SEMA4D: variants seen among roughly 807,000 people sequenced by gnomAD.
SEMA4D encodes the protein semaphorin-4D.
In SEMA4D, 22 loss-of-function variants were observed where a neutral mutation model predicts 74.8. The ratio of observed to expected loss-of-function variants is 0.29; its 90% CI spans 0.21 to 0.42. SEMA4D has a LOEUF of 0.42. SEMA4D is among the 10% of genes least tolerant of loss of function. The pLI is 1.00. For synonymous variants in SEMA4D, 445 were observed against 463.7 expected, an observed-to-expected ratio of 0.96 and a Z score of 0.52; for missense variants, 937 against 1,118.4, an observed-to-expected ratio of 0.84 and a Z score of 2.31.
intron 1 of SEMA4D, among the ~76,000 whole-genome samples, chr9:89,478,579 A>G (rs529852055): frequency 1.3e-5 from 2 of 152,302 alleles, no homozygotes; most frequent in East Asian, 3.9e-4. Context: ...TGCGCCTATG[A>G]AAAGGGATTG....
Position 89,485,788 on chromosome 9 carries a change from CAAAAAAAAAAAAAAAAAA to C in SEMA4D, c.-310+12113_-310+12130del, listed in dbSNP as rs56056536. ...GGGCAACAAGAGCAAAACTCCATCT[CAAAAAAAAAAAAAAAAAA>C]AAAAAAAAGAAAAAAAAAAAACCAC... is the stretch of plus-strand genomic sequence containing the variant. On this transcript the variant is annotated intron_variant, in intron 1 of 15. Coordinates refer to ENST00000422704, the MANE Select transcript of SEMA4D (RefSeq NM_001371194.2). Among the ~76,000 whole-genome samples, 766 of 76,894 alleles carry C rather than the reference CAAAAAAAAAAAAAAAAAA, an allele frequency of 1.0e-2. 17 individuals carry two copies. Among genetic ancestry groups the C allele is most frequent in the African/African-American group, 0.033 (680 of 20,410 alleles). 50.4% of individuals were successfully genotyped at this position (76,894 alleles called of 152,430 possible).
At chr9:89,382,268 C>T (rs1409161307) in intron 13 of SEMA4D, among the ~76,000 whole-genome samples, 3 of 152,250 alleles carry the variant, frequency 2.0e-5, no homozygotes, top group African/African-American at 7.2e-5. Flanking sequence ...GTGGAGCGCG[C>T]TCTCTAGCCT....
chr9:89,363,980 G>A, intron 16 of SEMA4D: 6 of 1,613,922 alleles, frequency 3.7e-6, no homozygotes, highest in Non-Finnish European at 5.1e-6. Context: ...CCACCTCTGA[G>A]TCCACATTTA....
rs1422180426 is a variant in SEMA4D, at chr9:89,377,518, C to A, written c.*1186G>T. 1.3e-5 allele frequency: 2 copies of A among 153,572 alleles called. No homozygotes were observed. Among genetic ancestry groups the A allele is most frequent in the Non-Finnish European group, 2.9e-5 (2 of 68,910 alleles). 9.5% of individuals were successfully genotyped at this position (153,572 alleles called of 1,614,324 possible). A position where few individuals can be genotyped will look rare whatever the true frequency, so the allele number is the denominator to read the frequency against. The stretch of plus-strand genomic sequence containing the variant: ...AAATCGTACCACCCATTCACATCTT[C>A]AGGACAGTGGCAGGAACAGCGCCGT... On this transcript the variant is annotated 3_prime_UTR_variant, in exon 16 of 16. Coordinates refer to ENST00000422704, the MANE Select transcript of SEMA4D (RefSeq NM_001371194.2).
In SEMA4D at chr9:89,418,345, G is replaced by A. The variant is rs1455904017; in HGVS notation, c.-243-12646C>T. On this transcript the variant is annotated intron_variant, in intron 2 of 15. Coordinates refer to ENST00000422704, the MANE Select transcript of SEMA4D (RefSeq NM_001371194.2). ...CACCCACCCACGAACAGAGGGGAAG[G>A]GCAGCCCAGCCCGTTACCTGGTGCT... 4 of 983,952 alleles carry A rather than the reference G, an allele frequency of 4.1e-6. No homozygotes were observed. The African/African-American group carries it at 5.2e-5, about 13-fold the overall frequency. The allele number at this position is 983,952 out of a possible 1,614,324, so 61.0% of individuals were successfully genotyped here.
rs1360798201 is a variant in SEMA4D at position 89,379,622 on chromosome 9, A to G, written c.1671T>C (p.Ser557=). The change falls in exon 16 of 16, where the codon AGT becomes AGC. Residue 557 remains serine (S), a synonymous_variant. Coordinates refer to ENST00000422704, the MANE Select transcript of SEMA4D (RefSeq NM_001371194.2). ...SGDASVCPDK[S]KGSYRQHFFK... is the part of the protein sequence containing the mutation. ...AAAAATGCTGCCGGTAACTTCCTTT[A>G]CTTTTATCTGGAACATCAAAATAAA... The G allele has an allele frequency of 6.2e-7, 1 of 1,603,800 alleles. No individual in the cohort carries two copies. The highest frequency in any genetic ancestry group is 1.1e-5 in the South Asian group (1 of 90,392).
At chr9:89,368,812 A>G (rs1388865898) in intron 16 of SEMA4D, 1 of 152,280 alleles carries the variant, frequency 6.6e-6, no homozygotes, top group African/African-American at 2.4e-5. Flanking sequence ...CGCCTTATCA[A>G]TGTGGGCAGG....
At chr9:89,388,051 ATGAG>A (rs1838926665) in intron 11 of SEMA4D, among the ~76,000 whole-genome samples, 1 of 152,216 alleles carries the variant, frequency 6.6e-6, no homozygotes, top group Non-Finnish European at 1.5e-5. Context: ...ATCTGTGACC[ATGAG>A]TGAACACATT....
intron 2 of SEMA4D, among the ~76,000 whole-genome samples, chr9:89,429,360 G>A (rs1172669392): frequency 6.6e-6 from 1 of 152,198 alleles, no homozygotes; most frequent in Non-Finnish European, 1.5e-5. Flanking sequence ...CCAGGAGAGG[G>A]GGCTGTGAAG....
chr9:89,490,101 C>T (rs1367899764), intron 1 of SEMA4D, among the ~76,000 whole-genome samples: 3 of 151,686 alleles, frequency 2.0e-5, no homozygotes, highest in Non-Finnish European at 4.4e-5. Flanking sequence ...TCACATTTCC[C>T]TAACAACTAA....
chr9:89,481,620 C>T (rs774674529), intron 1 of SEMA4D, among the ~76,000 whole-genome samples: 3 of 152,276 alleles, frequency 2.0e-5, no homozygotes, highest in Non-Finnish European at 4.4e-5. Context: ...GGCAGACACA[C>T]ACACCGGAAT....
rs1189944333 is a variant in SEMA4D, at chr9:89,429,728, A to G, written c.-243-24029T>C. Among the ~76,000 whole-genome samples the G allele has an allele frequency of 2.6e-5, 4 of 152,334 alleles. No homozygotes were observed. The East Asian group carries it at 5.8e-4, about 22-fold the overall frequency. The stretch of plus-strand genomic sequence containing the variant: ...CCCGACCTCCAGAAGCCCGGGAAGC[A>G]TGCTGTTCCAGAGAAGTGCACGCTG... On this transcript the variant is annotated intron_variant, in intron 2 of 15. Coordinates refer to ENST00000422704, the MANE Select transcript of SEMA4D (RefSeq NM_001371194.2).
intron 1 of SEMA4D, among the ~76,000 whole-genome samples, chr9:89,493,639 G>A (rs1825793678): frequency 6.6e-6 from 1 of 152,196 alleles, no homozygotes; most frequent in Non-Finnish European, 1.5e-5. Context: ...GGCTGCTCAA[G>A]CAACTCTAAT....
intron 13 of SEMA4D, chr9:89,384,977 G>C: frequency 1.0e-6 from 1 of 985,412 alleles, no homozygotes; most frequent in South Asian, 4.7e-5. Flanking sequence ...ACGTCCCCAC[G>C]AATGGAGGCT....
At chr9:89,419,025 C>G (rs1439439115) in intron 2 of SEMA4D, among the ~76,000 whole-genome samples, 2 of 151,048 alleles carry the variant, frequency 1.3e-5, no homozygotes, top group Non-Finnish European at 3.0e-5. Flanking sequence ...GCTCCCTCCT[C>G]TACAGACGCC....
rs560680630 is a variant in SEMA4D at position 89,484,519 on chromosome 9, G to A, written c.-310+13400C>T. 6.6e-6 allele frequency among the ~76,000 whole-genome samples: 1 copy of A among 151,644 alleles called. No individual in the cohort carries two copies. Among genetic ancestry groups the A allele is most frequent in the East Asian group, 1.9e-4 (1 of 5,140 alleles). On this transcript the variant is annotated intron_variant, in intron 1 of 15. Coordinates refer to ENST00000422704, the MANE Select transcript of SEMA4D (RefSeq NM_001371194.2). The surrounding 1 kb of genome is among the most constrained non-coding windows in gnomAD (Gnocchi z 4.1). Reference sequence around the variant, plus strand: ...GTGGTGGGTTTGTGTAGTGTGTGTGGTGTGTATGGACTGGGTGTGTGGGGT... The same window carrying A: ...GTGGTGGGTTTGTGTAGTGTGTGTGATGTGTATGGACTGGGTGTGTGGGGT...
At chr9:89,462,979 C>CGAGCGAGGGGAGGG (rs1438934301) in intron 1 of SEMA4D, among the ~76,000 whole-genome samples, 1 of 142,690 alleles carries the variant, frequency 7.0e-6, no homozygotes, top group Non-Finnish European at 1.5e-5. Context: ...GGGAGGGGAG[C>CGAGCGAGGGGAGGG]GAGGGAGAAA....
At chr9:89,473,596 C>T (rs1489507245) in intron 1 of SEMA4D, among the ~76,000 whole-genome samples, 1 of 152,046 alleles carries the variant, frequency 6.6e-6, no homozygotes, top group African/African-American at 2.4e-5. Flanking sequence ...GTGCCTCATG[C>T]CTGTAATCCC....
rs1039930410 is a variant in SEMA4D, at chr9:89,403,088, C to T, written c.107-72G>A. On this transcript the variant is annotated intron_variant, in intron 3 of 15. Transcript: ENST00000422704. ...ATGGAAGCATTTTTAAACCTGAGCACATCCTAGGTCCCTGTCTCAGTGACA... is the reference window on the plus strand; with the variant it reads ...ATGGAAGCATTTTTAAACCTGAGCATATCCTAGGTCCCTGTCTCAGTGACA... 8 of 1,527,158 alleles carry T rather than the reference C, an allele frequency of 5.2e-6. No individual in the cohort carries two copies. The Admixed American group carries it at 1.4e-4, about 27-fold the overall frequency. 94.6% of individuals were successfully genotyped at this position (1,527,158 alleles called of 1,614,324 possible).
Sources: gnomAD v4.1 joint callset for allele counts (sites outside exome capture counted in the v4.1 genomes callset) on GRCh38, gnomAD v4.1.1 for gene constraint, Gnocchi (gnomAD v3.1) non-coding constraint, MANE v1.5 for transcripts, NCBI Gene and HGNC (gene_info 2026-07-23, HGNC 2026-07-21) for gene names.